GAB1: variants seen among roughly 807,000 people sequenced by gnomAD.
The protein encoded by GAB1 is GRB2 associated binding protein 1.
Under a neutral mutation model 66.5 loss-of-function variants are expected in GAB1, and 19 were observed. The ratio of observed to expected loss-of-function variants is 0.29; its 90% CI spans 0.20 to 0.42. The LOEUF (loss-of-function observed/expected upper bound fraction) is 0.42, where lower values mean the gene tolerates loss of function less well. Among genes scored for constraint, GAB1 ranks in the 10% least tolerant of loss-of-function variants. The probability of loss-of-function intolerance (pLI) is 1.00; values close to 1 mark genes in which losing one functional copy is unlikely to be tolerated. For missense variants in GAB1, 732 were observed against 858.5 expected (o/e 0.85, Z 1.84); for synonymous variants, 294 against 301.4 (o/e 0.98, Z 0.25).
chr4:143,355,616 C>T (rs181225530), intron 1 of GAB1, among the ~76,000 whole-genome samples: 274 of 152,236 alleles, frequency 1.8e-3, no homozygotes, highest in Middle Eastern at 0.014. Flanking sequence ...GGAAGGCGTG[C>T]GCCTCACCTG....
At chr4:143,433,797 T>G in intron 3 of GAB1, 81 bp downstream of exon 3, 1 of 1,164,822 alleles carries the variant, frequency 8.6e-7, no homozygotes, top group African/African-American at 1.5e-5. Context: ...CTTTAAACTT[T>G]TTAAATTTCG....
chr4:143,379,669 C>T (rs1476791747), intron 1 of GAB1, among the ~76,000 whole-genome samples: 1 of 152,046 alleles, frequency 6.6e-6, no homozygotes, highest in South Asian at 2.1e-4. Flanking sequence ...TCACTGCAGC[C>T]TCGACCTCCT....
chr4:143,356,170 T>TC (rs1729438885), intron 1 of GAB1, among the ~76,000 whole-genome samples: 1 of 152,126 alleles, frequency 6.6e-6, no homozygotes, highest in Non-Finnish European at 1.5e-5. Context: ...TTTGTGCAAA[T>TC]CAAAGACAAG....
At chr4:143,348,037 C>T (rs528174220) in intron 1 of GAB1, among the ~76,000 whole-genome samples, 1 of 152,176 alleles carries the variant, frequency 6.6e-6, no homozygotes, top group African/African-American at 2.4e-5. Context: ...CCAGTGCTAG[C>T]CCTGGTTGGT....
rs1735999259 is a variant in GAB1, at chr4:143,469,919, T to C, written c.*730T>C. ...CACTACCAAGTAAGCCTGCAAATCA[T>C]TGATGGCATGCAGTGATGATGTGCT... On this transcript the variant is annotated 3_prime_UTR_variant, in exon 10 of 10. Transcript: ENST00000262994. 6.5e-6 allele frequency: 1 copy of C among 152,736 alleles called. No individual in the cohort carries two copies. 9.5% of individuals were successfully genotyped at this position (152,736 alleles called of 1,614,324 possible).
At chr4:143,434,449 G>T (rs1172297263) in intron 3 of GAB1, among the ~76,000 whole-genome samples, 1 of 151,052 alleles carries the variant, frequency 6.6e-6, no homozygotes, top group Non-Finnish European at 1.5e-5. Flanking sequence ...CAAACTCCTG[G>T]GCTCAAGTAT....
chr4:143,403,214 G>T (rs1731864499), intron 1 of GAB1, among the ~76,000 whole-genome samples: 1 of 152,020 alleles, frequency 6.6e-6, no homozygotes, highest in Non-Finnish European at 1.5e-5. Flanking sequence ...GTTGGGTCCT[G>T]CCAGATGGCA....
chr4:143,370,456 A>G (rs553412394), intron 1 of GAB1, among the ~76,000 whole-genome samples: 1 of 152,294 alleles, frequency 6.6e-6, no homozygotes, highest in African/African-American at 2.4e-5. Context: ...CAAAGAGTAC[A>G]AATAGGTGGG....
intron 1 of GAB1, among the ~76,000 whole-genome samples, chr4:143,379,494 A>G (rs1338265673): frequency 2.6e-5 from 4 of 152,176 alleles, no homozygotes; most frequent in African/African-American, 9.7e-5. Context: ...CCTAGGATCT[A>G]ACAAACTATA....
chr4:143,408,935 A>C (rs1732212185), intron 1 of GAB1, among the ~76,000 whole-genome samples: 1 of 152,214 alleles, frequency 6.6e-6, no homozygotes, highest in African/African-American at 2.4e-5. Flanking sequence ...TTCCTGGTAG[A>C]AGGGAAGTTG....
At chr4:143,406,571 A>T (rs1187159677) in intron 1 of GAB1, among the ~76,000 whole-genome samples, 1 of 152,216 alleles carries the variant, frequency 6.6e-6, no homozygotes, top group East Asian at 1.9e-4. Flanking sequence ...GTCTCAAAAG[A>T]TGGAGTGAAC....
At chr4:143,452,900 G>T (rs1178944645) in intron 6 of GAB1, among the ~76,000 whole-genome samples, 1 of 152,098 alleles carries the variant, frequency 6.6e-6, no homozygotes, top group Non-Finnish European at 1.5e-5. Context: ...ACCAAAATTG[G>T]TTTATTTTTG....
In GAB1 at chr4:143,342,029, A is replaced by G. The variant is rs1486276174; in HGVS notation, c.72+4769A>G. On this transcript the variant is annotated intron_variant, in intron 1 of 9. Coordinates refer to ENST00000262994, the MANE Select transcript of GAB1 (RefSeq NM_002039.4). ...TCTTGCCATCCTCATGTTAGTAAACATAATTCAGACTCCCAATGTTTTTAC... is the reference window on the plus strand; with the variant it reads ...TCTTGCCATCCTCATGTTAGTAAACGTAATTCAGACTCCCAATGTTTTTAC... Among the ~76,000 whole-genome samples the G allele has an allele frequency of 2.0e-5, 3 of 152,274 alleles. No individual in the cohort carries two copies. In the South Asian group the frequency reaches 6.2e-4, roughly 31 times the overall value.
At chr4:143,421,404 T>C (rs12331219) in intron 2 of GAB1, among the ~76,000 whole-genome samples, 2,871 of 152,216 alleles carry the variant, frequency 0.019, 95 homozygotes, top group African/African-American at 0.066. Context: ...AGTTCTTTTG[T>C]GTATACACCC....
At position 143,438,259 on chromosome 4, in the gene GAB1, A is replaced by G. The variant is rs1389050265; in HGVS notation, c.854A>G (p.Tyr285Cys). 1.9e-6 allele frequency: 3 copies of G among 1,613,996 alleles called. No homozygotes were observed. Among genetic ancestry groups the G allele is most frequent in the Admixed American group, 3.3e-5 (2 of 59,974 alleles). Residue 285 changes from tyrosine (Y) to cysteine (C), a missense_variant, in exon 4 of 10, where the codon TAT becomes TGT. Tyr to Cys is a radical substitution (Grantham distance 194). Transcript: ENST00000262994. ...PSSTEADGEL[Y>C]VFNTPSGTSS... ...AGTACTGAAGCAGATGGAGAACTCTATGTTTTTAATACCCCATCTGGGACA... is the reference window on the plus strand; with the variant it reads ...AGTACTGAAGCAGATGGAGAACTCTGTGTTTTTAATACCCCATCTGGGACA...
rs1736141482 is a variant in GAB1 at position 143,472,807 on chromosome 4, AG to A, written c.*3619del. On this transcript the variant is annotated 3_prime_UTR_variant, in exon 10 of 10. Coordinates refer to ENST00000262994, the MANE Select transcript of GAB1 (RefSeq NM_002039.4). ...ATTAAGTGGATACACACAGTGAGAA[AG>A]ATACATGCATTCTATGGTAACAACT... The A allele has an allele frequency of 6.6e-6, 1 of 152,192 alleles. No individual in the cohort carries two copies. The highest frequency in any genetic ancestry group is 2.4e-5 in the African/African-American group (1 of 41,456). The allele number at this position is 152,192 out of a possible 1,614,324, so 9.4% of individuals were successfully genotyped here. A position where few individuals can be genotyped will look rare whatever the true frequency, so the allele number is the denominator to read the frequency against.
intron 1 of GAB1, among the ~76,000 whole-genome samples, chr4:143,341,061 G>T (rs1728809236): frequency 6.6e-6 from 1 of 152,162 alleles, no homozygotes; most frequent in South Asian, 2.1e-4. Flanking sequence ...TTCGCAAAAG[G>T]TTCTTTCTTG....
At chr4:143,385,316 T>C (rs1277614310) in intron 1 of GAB1, among the ~76,000 whole-genome samples, 1 of 152,198 alleles carries the variant, frequency 6.6e-6, no homozygotes, top group East Asian at 1.9e-4. Context: ...AGGCTTATTA[T>C]TGATCACTGG....
At chr4:143,465,309 C>A (rs1432057216) in intron 8 of GAB1, among the ~76,000 whole-genome samples, 1 of 152,146 alleles carries the variant, frequency 6.6e-6, no homozygotes, top group Non-Finnish European at 1.5e-5. Context: ...TTATCGCTGT[C>A]ATCTATCTTC....
Sources: gnomAD v4.1 joint callset for allele counts (sites outside exome capture counted in the v4.1 genomes callset) on GRCh38, gnomAD v4.1.1 for gene constraint, MANE v1.5 for transcripts, NCBI Gene and HGNC (gene_info 2026-07-23, HGNC 2026-07-21) for gene names.